Variants in CFAP46 observed in about 807,000 individuals in gnomAD.
The protein encoded by CFAP46 is cilia- and flagella-associated protein 46.
CFAP46 carries 245 observed loss-of-function variants against 325.7 expected under a neutral mutation model. The observed-to-expected ratio is 0.75, with a 90% CI of 0.68 to 0.84. CFAP46 has a LOEUF of 0.84. Ranked by LOEUF, CFAP46 falls within the 40% of genes least tolerant of loss-of-function variation. CFAP46 has a pLI of 0.00. For synonymous variants in CFAP46, 1,523 were observed against 1,495.9 expected, an observed-to-expected ratio of 1.02 and a Z score of -0.42; for missense variants, 3,346 against 3,543.0, an observed-to-expected ratio of 0.94 and a Z score of 1.41.
intron 29 of CFAP46, among the ~76,000 whole-genome samples, 162 bp from the exon 30 acceptor site, chr10:132,878,249 C>G (rs1848985508): frequency 6.6e-6 from 1 of 152,202 alleles, no homozygotes. Context: ...AGGGGAGCCC[C>G]TAGAGCACGG....
intron 24 of CFAP46, among the ~76,000 whole-genome samples, chr10:132,894,248 A>G (rs2135453713): frequency 6.6e-6 from 1 of 152,362 alleles, no homozygotes; most frequent in African/African-American, 2.4e-5. Flanking sequence ...TGCTCCCCTA[A>G]CATAATTGAG....
At chr10:132,864,952 C>T (rs1848792849) in intron 35 of CFAP46, among the ~76,000 whole-genome samples, 1 of 151,320 alleles carries the variant, frequency 6.6e-6, no homozygotes. Flanking sequence ...GAGACCTGCA[C>T]ATACCTGTCC....
chr10:132,942,544 T>C lies in CFAP46; in HGVS notation c.-60A>G, dbSNP rs1461770575. 3 of 1,233,278 alleles carry C rather than the reference T, an allele frequency of 2.4e-6. No homozygotes were observed. The East Asian group carries it at 9.5e-5, about 39-fold the overall frequency. 76.4% of individuals were successfully genotyped at this position (1,233,278 alleles called of 1,614,324 possible). On this transcript the variant is annotated 5_prime_UTR_variant, in exon 1 of 58. Transcript: ENST00000368586. ...GTCCGCGGTGCGTCCTGCCGCCCAC[T>C]GTCGGTTGGGTTCTCCAGCCGCGAG... is the stretch of plus-strand genomic sequence containing the variant.
chr10:132,824,117 CGCTGATGTGTGCTGTGTGTGT>C (rs879274743), intron 50 of CFAP46, among the ~76,000 whole-genome samples: 5 of 81,364 alleles, frequency 6.1e-5, no homozygotes, highest in East Asian at 7.6e-4. Context: ...GTGCTGTGTG[CGCTGATGTGTGCTGTGTGTGT>C]GCTGATGTGT....
Position 132,892,332 on chromosome 10 carries a change from C to A in CFAP46, c.3304+1G>T, listed in dbSNP as rs748891572. The A allele has an allele frequency of 3.2e-6, 5 of 1,550,854 alleles. No homozygotes were observed. The highest frequency in any genetic ancestry group is 2.4e-5 in the South Asian group (2 of 84,064). ...GTGGGTCTGTCTGTCCTGCTACAAA[C>A]CTGGAAGAAAATATCCTTCGGTCGT... On this transcript the variant is annotated splice_donor_variant, in intron 25 of 57. Transcript: ENST00000368586. LOFTEE classifies it high-confidence loss of function.
At chr10:132,898,694 C>G in intron 24 of CFAP46, 1 of 548,834 alleles carries the variant, frequency 1.8e-6, no homozygotes, top group Non-Finnish European at 3.3e-6. Flanking sequence ...ACTCTACCCG[C>G]TGCTGTGTGT....
At chr10:132,810,521 G>A in intron 56 of CFAP46, 32 bp from the exon 57 acceptor site, 2 of 1,591,414 alleles carry the variant, frequency 1.3e-6, no homozygotes, top group Non-Finnish European at 1.7e-6. Flanking sequence ...AGGAGGGCAT[G>A]GACACCCTGG....
intron 41 of CFAP46, among the ~76,000 whole-genome samples, chr10:132,848,679 A>C (rs1480978213): frequency 1.3e-5 from 2 of 152,192 alleles, no homozygotes; most frequent in African/African-American, 4.8e-5. Flanking sequence ...AGCGAAAGAG[A>C]CCAGCGGACT....
intron 44 of CFAP46, 145 bp from the exon 45 acceptor site, chr10:132,837,059 G>T (rs535326903): frequency 1.6e-6 from 1 of 623,784 alleles, no homozygotes; most frequent in East Asian, 2.9e-5. Context: ...CCCTTGGGGT[G>T]GGGGGCCCTG....
intron 50 of CFAP46, among the ~76,000 whole-genome samples, chr10:132,825,127 G>T (rs1848019579): frequency 6.9e-6 from 1 of 145,454 alleles, no homozygotes; most frequent in African/African-American, 2.7e-5. Context: ...TGTGCACTGT[G>T]TGCTGTGTGT....
chr10:132,822,323 G>C (rs920169824), intron 50 of CFAP46, among the ~76,000 whole-genome samples: 4 of 138,726 alleles, frequency 2.9e-5, no homozygotes, highest in African/African-American at 1.1e-4. Context: ...TGTGTGTGGT[G>C]ATGTGTGCTG....
Position 132,872,799 on chromosome 10 carries a change from T to A in CFAP46, c.4388A>T (p.His1463Leu), listed in dbSNP as rs757978207. The change falls in exon 32 of 58, where the codon CAC (histidine) becomes CTC (leucine). Residue 1463 changes from histidine (H) to leucine (L), a missense_variant. By Grantham distance (99) the His-to-Leu change is moderately conservative. Coordinates refer to ENST00000368586, the MANE Select transcript of CFAP46 (RefSeq NM_001200049.3). ...CATCTTCTGCAGGGCCTTGACCAGG[T>A]GGTCCAGGAAATACAAACTGTATGT... ...KPTYSLYFLD[H>L]LVKALQKMCL... is the part of the protein sequence containing the mutation. 2 of 1,550,928 alleles carry A rather than the reference T, an allele frequency of 1.3e-6. No homozygotes were observed. Among genetic ancestry groups the A allele is most frequent in the African/African-American group, 1.4e-5 (1 of 73,012 alleles).
rs117314915 is a variant in CFAP46 at position 132,820,405 on chromosome 10, A to C, written c.7118-5491T>G. On this transcript the variant is annotated intron_variant, in intron 50 of 57. Transcript: ENST00000368586. ...AAGCCCTGGTGGTGCAGGATGAGGA[A>C]GCTCCGCTGACCCGCAGGGCAAAGG... Among the ~76,000 whole-genome samples, 1,014 of 152,342 alleles carry C rather than the reference A, an allele frequency of 6.7e-3. 58 individuals are homozygous for C. The East Asian group carries it at 0.15, about 22-fold the overall frequency.
chr10:132,823,092 CTT>C (rs1847920110), intron 50 of CFAP46, among the ~76,000 whole-genome samples: 2 of 108,220 alleles, frequency 1.8e-5, no homozygotes, highest in Admixed American at 1.1e-4. Context: ...CTGATGTGTG[CTT>C]TGTATGTGCT....
At chr10:132,824,758 G>A (rs1213641789) in intron 50 of CFAP46, among the ~76,000 whole-genome samples, 1 of 113,554 alleles carries the variant, frequency 8.8e-6, no homozygotes. Context: ...CTGTGTGAGT[G>A]CTGATGTGTG....
At chr10:132,825,130 CTGTG>C (rs745470497) in intron 50 of CFAP46, among the ~76,000 whole-genome samples, 3 of 121,558 alleles carry the variant, frequency 2.5e-5, no homozygotes, top group African/African-American at 3.5e-5. Context: ...GCACTGTGTG[CTGTG>C]TGTGTGGTGA....
chr10:132,810,693 C>T (rs533031982), intron 56 of CFAP46: 369 of 730,820 alleles, frequency 5.0e-4, no homozygotes, highest in Non-Finnish European at 8.4e-4. Flanking sequence ...GCCGCCTCAA[C>T]GGGCTCCTCC....
chr10:132,833,629 C>T (rs920857189), intron 49 of CFAP46, 104 bp from the exon 50 acceptor site: 17 of 1,286,612 alleles, frequency 1.3e-5, no homozygotes, highest in Non-Finnish European at 1.8e-5. Context: ...CTGGGAAAGG[C>T]TGGCAGCCCG....
At chr10:132,922,813 C>A in intron 11 of CFAP46, 105 bp from the exon 12 acceptor site, 1 of 895,082 alleles carries the variant, frequency 1.1e-6, no homozygotes, top group Non-Finnish European at 1.7e-6. Context: ...GAGTGTAGGG[C>A]AGGCTTGGTG....
Sources: gnomAD v4.1 joint callset for allele counts (sites outside exome capture counted in the v4.1 genomes callset) on GRCh38, gnomAD v4.1.1 for gene constraint, MANE v1.5 for transcripts, NCBI Gene and HGNC (gene_info 2026-07-23, HGNC 2026-07-21) for gene names.